The following NRG1 variants were observed in gnomAD, a reference collection of about 807,000 sequenced individuals.
The protein encoded by NRG1 is neuregulin 1, also known as pro-neuregulin-1, membrane-bound isoform.
A neutral mutation model predicts 63.8 loss-of-function variants in NRG1; 18 were observed. That is an observed-to-expected ratio of 0.28 (90% CI 0.19 to 0.42). The LOEUF (loss-of-function observed/expected upper bound fraction) is 0.42, where lower values mean the gene tolerates loss of function less well. Ranked by LOEUF, NRG1 falls within the 10% of genes least tolerant of loss-of-function variation. NRG1 has a pLI of 1.00. For synonymous variants in NRG1, 302 were observed against 301.3 expected, an observed-to-expected ratio of 1.00 and a Z score of -0.02; for missense variants, 762 against 814.7, an observed-to-expected ratio of 0.94 and a Z score of 0.79.
chr8:32,420,594 A>T (rs1052449779), intron 1 of NRG1, among the ~76,000 whole-genome samples: 1 of 150,176 alleles, frequency 6.7e-6, no homozygotes, highest in East Asian at 2.0e-4. Context: ...TCATGATTGG[A>T]TACATGCTAT....
chr8:32,717,836 G>A (rs918088247), intron 5 of NRG1, among the ~76,000 whole-genome samples: 3 of 152,104 alleles, frequency 2.0e-5, no homozygotes, highest in East Asian at 1.9e-4. Flanking sequence ...GCTCAAACCC[G>A]AAACACTTGG....
intron 5 of NRG1, among the ~76,000 whole-genome samples, chr8:32,720,014 TG>T (rs1304280384): frequency 1.3e-5 from 2 of 152,280 alleles, no homozygotes; most frequent in East Asian, 3.9e-4. Flanking sequence ...TGTGCCATGA[TG>T]TTTTTTTTTA....
At chr8:32,590,267 G>A (rs949799292) in intron 1 of NRG1, among the ~76,000 whole-genome samples, 35 of 152,148 alleles carry the variant, frequency 2.3e-4, no homozygotes, top group Non-Finnish European at 4.4e-4. Context: ...TTATATTAAT[G>A]TCAAGCAAGT....
chr8:32,294,712 T>A (rs1409993066), intron 1 of NRG1, among the ~76,000 whole-genome samples: 1 of 152,222 alleles, frequency 6.6e-6, no homozygotes, highest in Admixed American at 6.5e-5. Flanking sequence ...CCCATTATTG[T>A]CAGGAGAGGC....
At chr8:31,707,369 T>C (rs1811252417) in intron 1 of NRG1, among the ~76,000 whole-genome samples, 1 of 152,152 alleles carries the variant, frequency 6.6e-6, no homozygotes, top group African/African-American at 2.4e-5. Context: ...TGTTTATTTA[T>C]GTGCCAGTAT....
At chr8:32,674,272 A>T (rs1230686213) in intron 5 of NRG1, among the ~76,000 whole-genome samples, 1 of 152,206 alleles carries the variant, frequency 6.6e-6, no homozygotes, top group African/African-American at 2.4e-5. Flanking sequence ...CCAAGACATG[A>T]ACAGAAAATA....
At chr8:31,829,836 G>A (rs529946113) in intron 1 of NRG1, among the ~76,000 whole-genome samples, 4 of 152,298 alleles carry the variant, frequency 2.6e-5, no homozygotes, top group South Asian at 2.1e-4. Flanking sequence ...GGCTGGCCAC[G>A]AGAGCCAGCT....
intron 1 of NRG1, among the ~76,000 whole-genome samples, chr8:32,040,757 A>G (rs865989880): frequency 4.6e-4 from 57 of 124,624 alleles, no homozygotes; most frequent in African/African-American, 1.5e-3. Context: ...GCGCATATAT[A>G]TATATATATA....
intron 1 of NRG1, among the ~76,000 whole-genome samples, chr8:32,124,713 C>T (rs1833875362): frequency 6.6e-6 from 1 of 151,782 alleles, no homozygotes; most frequent in African/African-American, 2.4e-5. Flanking sequence ...TTAGCTTTTC[C>T]TTTCCAGTAA....
chr8:31,720,394 A>G (rs1812793025), intron 1 of NRG1, among the ~76,000 whole-genome samples: 1 of 152,156 alleles, frequency 6.6e-6, no homozygotes, highest in African/African-American at 2.4e-5. Context: ...AACATGTGTC[A>G]CGGTAGATTG....
chr8:32,445,639 C>CTCTCT (rs1338552367), intron 1 of NRG1, among the ~76,000 whole-genome samples: 1 of 152,198 alleles, frequency 6.6e-6, no homozygotes, highest in Non-Finnish European at 1.5e-5. Flanking sequence ...TCTCTCACTT[C>CTCTCT]TCTCTTCTCT....
At chr8:31,751,983 C>A (rs1257261874) in intron 1 of NRG1, among the ~76,000 whole-genome samples, 2 of 151,826 alleles carry the variant, frequency 1.3e-5, no homozygotes, top group Admixed American at 1.3e-4. Flanking sequence ...ATGTATTTGC[C>A]ATTCCTGTGA....
At chr8:31,852,931 C>T (rs1045685991) in intron 1 of NRG1, among the ~76,000 whole-genome samples, 2 of 151,628 alleles carry the variant, frequency 1.3e-5, no homozygotes, top group African/African-American at 2.4e-5. Context: ...AGATATGTGG[C>T]GTTATTTCTG....
intron 1 of NRG1, among the ~76,000 whole-genome samples, chr8:31,996,159 C>G (rs1364664877): frequency 6.6e-6 from 1 of 151,704 alleles, no homozygotes; most frequent in Non-Finnish European, 1.5e-5. Context: ...ATTTAACAGG[C>G]CTCATTTCTT....
intron 1 of NRG1, among the ~76,000 whole-genome samples, chr8:32,121,102 C>G (rs558287991): frequency 2.6e-5 from 4 of 152,072 alleles, no homozygotes; most frequent in African/African-American, 9.6e-5. Context: ...CTTGGCTTAC[C>G]CTATTGTTGC....
rs553058189 is a variant in NRG1 at position 32,236,579 on chromosome 8, G to A, written c.38-359249G>A. Among the ~76,000 whole-genome samples, 37 of 152,226 alleles carry A rather than the reference G, an allele frequency of 2.4e-4. No individual in the cohort carries two copies. The South Asian group carries it at 7.5e-3, about 31-fold the overall frequency. On this transcript the variant is annotated intron_variant, in intron 1 of 10. Coordinates refer to the NRG1 transcript ENST00000519301. Reference sequence around the variant, plus strand: ...TAGTAGGGATGGAAATGGGTTATTAGATCATCAGTTCACTTTCCTCTCCAA... The same window carrying A: ...TAGTAGGGATGGAAATGGGTTATTAAATCATCAGTTCACTTTCCTCTCCAA...
chr8:31,927,923 T>C (rs1187319530), intron 1 of NRG1, among the ~76,000 whole-genome samples: 2 of 150,844 alleles, frequency 1.3e-5, no homozygotes, highest in Non-Finnish European at 3.0e-5. Flanking sequence ...ACGTGCAGGT[T>C]TGTTACATTT....
intron 5 of NRG1, among the ~76,000 whole-genome samples, chr8:32,699,765 A>G (rs937510224): frequency 6.6e-6 from 1 of 152,170 alleles, no homozygotes; most frequent in Non-Finnish European, 1.5e-5. Flanking sequence ...GATGGTTCAA[A>G]TGTTCCTATA....
At chr8:31,667,205 C>G (rs1200134990) in intron 1 of NRG1, among the ~76,000 whole-genome samples, 2 of 152,128 alleles carry the variant, frequency 1.3e-5, no homozygotes, top group African/African-American at 4.8e-5. Flanking sequence ...ACTGATTTAC[C>G]AATTTTCTGG....
Sources: allele counts gnomAD v4.1 joint callset (sites outside exome capture counted in the v4.1 genomes callset), GRCh38; gene constraint gnomAD v4.1.1; transcripts MANE v1.5; gene names NCBI Gene and HGNC (gene_info 2026-07-23, HGNC 2026-07-21).